The following NCOR1 variants were observed in gnomAD, a reference collection of about 807,000 sequenced individuals.
NCOR1 encodes protein phosphatase 1, regulatory subunit 109.
In NCOR1, 63 loss-of-function variants were observed where a neutral mutation model predicts 288.1. The ratio of observed to expected loss-of-function variants is 0.22; its 90% CI spans 0.18 to 0.27. The LOEUF is 0.27. NCOR1 is among the 10% of genes least tolerant of loss of function. The probability of loss-of-function intolerance (pLI) is 1.00; values close to 1 mark genes in which losing one functional copy is unlikely to be tolerated. For synonymous variants in NCOR1, 1,007 were observed against 1,065.9 expected (o/e 0.94, Z 1.08); for missense variants, 2,397 against 3,019.2 (o/e 0.79, Z 4.83).
chr17:16,051,882 G>C (rs1018323800), intron 40 of NCOR1, among the ~76,000 whole-genome samples: 3 of 152,188 alleles, frequency 2.0e-5, no homozygotes, highest in Middle Eastern at 6.8e-3. Context: ...TTGCATTCCA[G>C]CCTGAACAAC....
intron 32 of NCOR1, among the ~76,000 whole-genome samples, chr17:16,066,890 G>A (rs773717094): frequency 6.6e-6 from 1 of 152,166 alleles, no homozygotes; most frequent in Admixed American, 6.5e-5. Context: ...AAGGACCAAA[G>A]TGAGGCACAA....
At chr17:16,064,630 A>G (rs2060920885) in intron 34 of NCOR1, among the ~76,000 whole-genome samples, 1 of 152,128 alleles carries the variant, frequency 6.6e-6, no homozygotes, top group South Asian at 2.1e-4. Flanking sequence ...AAAAACAAGA[A>G]AAGAGAAAAA....
intron 42 of NCOR1, among the ~76,000 whole-genome samples, chr17:16,041,744 A>G (rs148482536): frequency 6.7e-6 from 1 of 149,242 alleles, no homozygotes; most frequent in African/African-American, 2.5e-5. Flanking sequence ...TTTATTAATT[A>G]ATTTATTTTT....
chr17:16,064,608 CAAAAACAAAAA>C (rs1431576911), intron 34 of NCOR1, among the ~76,000 whole-genome samples: 1 of 144,458 alleles, frequency 6.9e-6, no homozygotes, highest in East Asian at 2.0e-4. Context: ...GTCTCCAAAA[CAAAAACAAAAA>C]AAAAACAAGA....
At chr17:16,127,355 ATG>A (rs1381054371) in intron 14 of NCOR1, among the ~76,000 whole-genome samples, 2 of 142,234 alleles carry the variant, frequency 1.4e-5, no homozygotes, top group East Asian at 2.0e-4. Flanking sequence ...GTATATATGT[ATG>A]TATATATACA....
At chr17:16,198,408 G>A (rs960882309) in intron 1 of NCOR1, 2 of 147,236 alleles carry the variant, frequency 1.4e-5, no homozygotes, top group African/African-American at 5.0e-5. Flanking sequence ...ATCAATTTAT[G>A]GTTCTTTCTA....
At chr17:16,209,678 G>A (rs931986421) in intron 1 of NCOR1, among the ~76,000 whole-genome samples, 12 of 150,762 alleles carry the variant, frequency 8.0e-5, no homozygotes, top group African/African-American at 2.7e-4. Flanking sequence ...TCGGCCAAGT[G>A]CGATGGCTCA....
intron 14 of NCOR1, among the ~76,000 whole-genome samples, chr17:16,127,313 G>A (rs62641986): frequency 7.3e-5 from 3 of 41,230 alleles, no homozygotes; most frequent in Admixed American, 2.3e-4. Context: ...ATATATACAT[G>A]TATGTATATA....
chr17:16,082,270 A>C (rs1324514341), intron 23 of NCOR1, among the ~76,000 whole-genome samples: 1 of 152,202 alleles, frequency 6.6e-6, no homozygotes, highest in Non-Finnish European at 1.5e-5. Flanking sequence ...TTTGACCAAA[A>C]ATTATAAGAT....
Position 16,071,266 on chromosome 17 carries a change from A to G in NCOR1, c.4152+143T>C, listed in dbSNP as rs537551725. 3.0e-3 allele frequency: 920 copies of G among 308,762 alleles called. 4 individuals carry two copies. Among genetic ancestry groups the G allele is most frequent in the African/African-American group, 0.015 (666 of 43,828 alleles). 19.1% of individuals were successfully genotyped at this position (308,762 alleles called of 1,614,324 possible). On this transcript the variant is annotated intron_variant, in intron 30 of 45. Transcript: ENST00000268712. ...CGCACTCCAGCCTGGTCCACAGAGG[A>G]AAAAAAAAAAAGGTACAGGAAACTT...
chr17:16,212,876 A>G (rs548677086), intron 1 of NCOR1, among the ~76,000 whole-genome samples: 45 of 151,924 alleles, frequency 3.0e-4, no homozygotes, highest in Non-Finnish European at 5.9e-4. Flanking sequence ...GCTCGAGACC[A>G]GCCTAGACAA....
rs1369224106 is a variant in NCOR1, at chr17:16,032,408, G to A, written c.7211C>T (p.Ala2404Val). Residue 2404 changes from alanine to valine, a missense_variant, in exon 46 of 46, where the codon GCT becomes GTT. Around this residue, in one of 11 missense-constraint regions of NCOR1, gnomAD observed 1,872 missense variants for 2,187.8 expected, o/e 0.86. Transcript: ENST00000268712. ...SSTPPTPIAC[A>V]PSAVNQAAPH... ...AGCTGCTTGGTTCACCGCAGAGGGAGCACATGCAATCGGTGTTGGTGGAGT... is the reference window on the plus strand; with the variant it reads ...AGCTGCTTGGTTCACCGCAGAGGGAACACATGCAATCGGTGTTGGTGGAGT... 1 of 1,614,104 alleles carries A rather than the reference G, an allele frequency of 6.2e-7. No homozygotes were observed. The highest frequency in any genetic ancestry group is 8.5e-7 in the Non-Finnish European group (1 of 1,179,996).
intron 1 of NCOR1, among the ~76,000 whole-genome samples, chr17:16,199,190 G>A (rs1404099916): frequency 4.0e-5 from 4 of 99,978 alleles, no homozygotes; most frequent in East Asian, 4.8e-4. Flanking sequence ...AGTACTATCC[G>A]CCCAATACAG....
chr17:16,150,381 G>A (rs549907585), intron 8 of NCOR1, among the ~76,000 whole-genome samples: 1 of 152,172 alleles, frequency 6.6e-6, no homozygotes, highest in Non-Finnish European at 1.5e-5. Context: ...GGTGATGAAA[G>A]AATAGCTACT....
At chr17:16,187,946 T>C (rs948415859) in intron 2 of NCOR1, among the ~76,000 whole-genome samples, 2 of 150,160 alleles carry the variant, frequency 1.3e-5, no homozygotes, top group South Asian at 2.1e-4. Context: ...AACAAATCCA[T>C]AGAAACAGAA....
chr17:16,086,480 ATTTC>A, intron 22 of NCOR1, 38 bp from the exon 23 acceptor site: 2 of 1,571,116 alleles, frequency 1.3e-6, no homozygotes, highest in Non-Finnish European at 8.7e-7. Context: ...AAACTAGTCC[ATTTC>A]CTAGTTTACA....
intron 19 of NCOR1, among the ~76,000 whole-genome samples, chr17:16,106,585 C>G: frequency 6.6e-6 from 1 of 152,024 alleles, no homozygotes; most frequent in East Asian, 1.9e-4. Flanking sequence ...GGAACCCTCC[C>G]TTCAGCAGCT....
Position 16,056,239 on chromosome 17 carries a change from T to C in NCOR1, c.6392+1275A>G, listed in dbSNP as rs573236042. On this transcript the variant is annotated intron_variant, in intron 40 of 45. Transcript: ENST00000268712. Reference sequence around the variant, plus strand: ...ATTACTCTGGCTCATGTGTCCTCTATGTCTTCAGGTATTTGCCAGAATCTT... The same window carrying C: ...ATTACTCTGGCTCATGTGTCCTCTACGTCTTCAGGTATTTGCCAGAATCTT... Among the ~76,000 whole-genome samples the C allele has an allele frequency of 1.1e-4, 17 of 152,204 alleles. No individual in the cohort carries two copies. The South Asian group carries it at 1.5e-3, about 13-fold the overall frequency.
chr17:16,178,356 G>A (rs143356378), intron 3 of NCOR1, among the ~76,000 whole-genome samples: 8 of 151,028 alleles, frequency 5.3e-5, no homozygotes, highest in Admixed American at 1.3e-4. Context: ...AGAATCAGCC[G>A]GGCATGGTGG....
Sources: gnomAD v4.1 joint callset for allele counts (sites outside exome capture counted in the v4.1 genomes callset) on GRCh38, gnomAD v4.1.1 for gene constraint, gnomAD v4.1.1 regional missense constraint, MANE v1.5 for transcripts, NCBI Gene and HGNC (gene_info 2026-07-23, HGNC 2026-07-21) for gene names.